The following TRHDE variants were observed in gnomAD, a reference collection of about 807,000 sequenced individuals.
TRHDE encodes thyrotropin releasing hormone degrading enzyme.
A neutral mutation model predicts 125.7 loss-of-function variants in TRHDE; 72 were observed. The ratio of observed to expected loss-of-function variants is 0.57; its 90% confidence interval spans 0.47 to 0.70. The LOEUF (loss-of-function observed/expected upper bound fraction) is 0.70, where lower values mean the gene tolerates loss of function less well. TRHDE is among the 30% of genes least tolerant of loss of function. The pLI, the probability that TRHDE is intolerant of heterozygous loss-of-function variation, is 0.00. For missense variants in TRHDE, 1,110 were observed against 1,327.1 expected, an observed-to-expected ratio of 0.84 and a Z score of 2.54; for synonymous variants, 509 against 509.1, an observed-to-expected ratio of 1.00 and a Z score of 0.00.
At chr12:72,353,485 G>T (rs1031137727) in intron 2 of TRHDE, among the ~76,000 whole-genome samples, 5 of 151,606 alleles carry the variant, frequency 3.3e-5, no homozygotes, top group African/African-American at 1.2e-4. Context: ...TCTTGTCACA[G>T]ATTTTATTCT....
intron 6 of TRHDE, among the ~76,000 whole-genome samples, chr12:72,500,048 G>A (rs1878083368): frequency 6.6e-6 from 1 of 152,074 alleles, no homozygotes; most frequent in African/African-American, 2.4e-5. Context: ...GTAATGACAT[G>A]ATGCATGCAT....
chr12:72,598,449 T>A (rs1005327517), intron 12 of TRHDE, among the ~76,000 whole-genome samples: 2 of 152,226 alleles, frequency 1.3e-5, no homozygotes, highest in African/African-American at 4.8e-5. Context: ...ATTTTCTTTT[T>A]TGAATACAAA....
intron 3 of TRHDE, among the ~76,000 whole-genome samples, chr12:72,415,529 G>T (rs1453343310): frequency 6.7e-6 from 1 of 150,248 alleles, no homozygotes; most frequent in Non-Finnish European, 1.5e-5. Context: ...CCTCCTTTCT[G>T]CTCCCCCTCC....
At chr12:72,558,186 C>G (rs1003197543) in intron 7 of TRHDE, among the ~76,000 whole-genome samples, 22 of 152,030 alleles carry the variant, frequency 1.4e-4, no homozygotes, top group Admixed American at 1.4e-3. Context: ...AATAAACAGG[C>G]ACCTATGACA....
chr12:72,336,600 A>G (rs554536709), intron 2 of TRHDE, among the ~76,000 whole-genome samples: 2 of 152,310 alleles, frequency 1.3e-5, no homozygotes, highest in South Asian at 2.1e-4. Flanking sequence ...GATAATTTAC[A>G]AACAGTAGAA....
At chr12:72,117,326 A>G (rs536566351) in intron 2 of TRHDE, among the ~76,000 whole-genome samples, 20 of 152,216 alleles carry the variant, frequency 1.3e-4, no homozygotes, top group African/African-American at 4.8e-4. Context: ...CCATTTATTG[A>G]AGAGGCTGCC....
chr12:72,179,287 C>T (rs550871614), intron 2 of TRHDE, among the ~76,000 whole-genome samples: 333 of 152,168 alleles, frequency 2.2e-3, no homozygotes, highest in African/African-American at 7.5e-3. Flanking sequence ...ACATCAGTAA[C>T]ATTTTACCTG....
intron 6 of TRHDE, among the ~76,000 whole-genome samples, chr12:72,501,990 T>G (rs985437428): frequency 1.3e-5 from 2 of 152,088 alleles, no homozygotes; most frequent in African/African-American, 4.8e-5. Flanking sequence ...TATTATCCCT[T>G]TAATAACTGC....
intron 6 of TRHDE, among the ~76,000 whole-genome samples, chr12:72,527,738 T>C (rs368462214): frequency 1.3e-5 from 2 of 152,148 alleles, no homozygotes; most frequent in Admixed American, 6.6e-5. Context: ...TGACATATGC[T>C]ATATGTATTT....
At chr12:72,114,579 G>A (rs902812179) in intron 2 of TRHDE, among the ~76,000 whole-genome samples, 6 of 152,146 alleles carry the variant, frequency 3.9e-5, no homozygotes, top group Admixed American at 2.6e-4. Context: ...AGGTGGAGGA[G>A]AAGGAAGAAG....
At chr12:72,152,475 A>G (rs896343914) in intron 2 of TRHDE, among the ~76,000 whole-genome samples, 2 of 152,080 alleles carry the variant, frequency 1.3e-5, no homozygotes, top group Admixed American at 6.5e-5. Context: ...GTCTTGTGCC[A>G]GTTTTCAAAG....
chr12:72,170,950 G>T (rs1280027026), intron 2 of TRHDE, among the ~76,000 whole-genome samples: 3 of 152,102 alleles, frequency 2.0e-5, no homozygotes, highest in Non-Finnish European at 2.9e-5. Flanking sequence ...CTATTCGAGA[G>T]CTTCTGGGTA....
At chr12:72,272,292 G>GCGCAGGGGAGGGAGAGCCGGGAGC (rs1481148076), upstream of TRHDE, 9 of 364,150 alleles carry the variant, frequency 2.5e-5, no homozygotes, top group African/African-American at 1.7e-4. The surrounding 1 kb of genome is among the most constrained non-coding windows in gnomAD (Gnocchi z 6.7). Context: ...CGAGAGCGCG[G>GCGCAGGGGAGGGAGAGCCGGGAGC]CGCAGGGGAG....
chr12:72,350,153 T>C (rs1206993009), intron 2 of TRHDE, among the ~76,000 whole-genome samples: 2 of 152,056 alleles, frequency 1.3e-5, no homozygotes, highest in Non-Finnish European at 2.9e-5. Flanking sequence ...TCTGCATATA[T>C]TCTTGCTGAA....
chr12:72,403,849 T>TG (rs1175626662), intron 3 of TRHDE, among the ~76,000 whole-genome samples: 2 of 152,098 alleles, frequency 1.3e-5, no homozygotes, highest in Non-Finnish European at 2.9e-5. Context: ...GGTCAGATTA[T>TG]GGGGGCTCAG....
chr12:72,442,928 T>C (rs2054201617), intron 3 of TRHDE, among the ~76,000 whole-genome samples: 1 of 151,916 alleles, frequency 6.6e-6, no homozygotes, highest in Admixed American at 6.6e-5. Flanking sequence ...GTCACTTATT[T>C]CCTTGCCTTC....
chr12:72,496,000 T>A (rs1226410479), intron 5 of TRHDE, among the ~76,000 whole-genome samples: 1 of 152,224 alleles, frequency 6.6e-6, no homozygotes, highest in Non-Finnish European at 1.5e-5. Context: ...GAATTTATGG[T>A]TACTGTTGAC....
At chr12:72,629,531 CAGTACA>C (rs1873391640) in intron 15 of TRHDE, among the ~76,000 whole-genome samples, 1 of 151,652 alleles carries the variant, frequency 6.6e-6, no homozygotes, top group Non-Finnish European at 1.5e-5. Flanking sequence ...CTGTTTATTA[CAGTACA>C]AGTGCTCAGT....
At chr12:72,620,358 A>G (rs917502019) in intron 13 of TRHDE, among the ~76,000 whole-genome samples, 5 of 148,988 alleles carry the variant, frequency 3.4e-5, no homozygotes, top group African/African-American at 7.6e-5. Flanking sequence ...AAAAAAAAAA[A>G]AAAGAAATAC....
Sources: allele counts gnomAD v4.1 joint callset (sites outside exome capture counted in the v4.1 genomes callset), GRCh38; gene constraint gnomAD v4.1.1; non-coding constraint Gnocchi (gnomAD v3.1); transcripts MANE v1.5; gene names NCBI Gene and HGNC (gene_info 2026-07-23, HGNC 2026-07-21).